The following RBFOX1 variants were observed in gnomAD, a reference collection of about 807,000 sequenced individuals.
The protein encoded by RBFOX1 is RNA binding fox-1 homolog 1.
Under a neutral mutation model 57.7 loss-of-function variants are expected in RBFOX1, and 8 were observed. The ratio of observed to expected loss-of-function variants is 0.14; its 90% CI spans 0.08 to 0.25. The LOEUF is 0.25. RBFOX1 is among the 10% of genes least tolerant of loss of function. The probability of loss-of-function intolerance (pLI) is 1.00; values close to 1 mark genes in which losing one functional copy is unlikely to be tolerated. For missense variants in RBFOX1, 611 were observed against 548.5 expected (o/e 1.11, Z -1.14); for synonymous variants, 326 against 222.4 (o/e 1.47, Z -4.15).
At chr16:7,110,176 C>T (rs1202726215) in intron 4 of RBFOX1, among the ~76,000 whole-genome samples, 1 of 129,704 alleles carries the variant, frequency 7.7e-6, no homozygotes, top group African/African-American at 2.9e-5. Flanking sequence ...ATAGCGAGAC[C>T]CCCCGTGTCT....
chr16:5,915,996 T>C (rs1597779026), intron 4 of RBFOX1, among the ~76,000 whole-genome samples: 1 of 152,316 alleles, frequency 6.6e-6, no homozygotes, highest in Admixed American at 6.5e-5. Context: ...GTAGAAGCAG[T>C]CTTATTTCTC....
At chr16:7,094,773 TGTGG>T (rs1555466462) in intron 4 of RBFOX1, among the ~76,000 whole-genome samples, 6 of 141,032 alleles carry the variant, frequency 4.3e-5, no homozygotes, top group East Asian at 4.0e-4. Flanking sequence ...TGTGTGTGTG[TGTGG>T]GTGTGTGTGT....
intron 4 of RBFOX1, among the ~76,000 whole-genome samples, chr16:7,132,628 A>G (rs1407984258): frequency 8.6e-5 from 13 of 152,046 alleles, no homozygotes; most frequent in Admixed American, 8.5e-4. Flanking sequence ...CCACACACAC[A>G]CAATGGAATA....
At chr16:5,382,445 T>C (rs1458044596) in intron 1 of RBFOX1, among the ~76,000 whole-genome samples, 3 of 152,218 alleles carry the variant, frequency 2.0e-5, no homozygotes, top group Admixed American at 6.5e-5. Context: ...TATGCTTTTA[T>C]TTGCCTTCTG....
In RBFOX1 at chr16:5,945,060, C is replaced by T. The variant is rs150276609; in HGVS notation, c.351+77725C>T. On this transcript the variant is annotated intron_variant, in intron 4 of 19. Transcript: ENST00000641259. ...TTGCTGGGCTTCTTCTGGAGGGAGACTGGAGCTCTATGTAGGTTTAAGGGC... is the reference window on the plus strand; with the variant it reads ...TTGCTGGGCTTCTTCTGGAGGGAGATTGGAGCTCTATGTAGGTTTAAGGGC... Among the ~76,000 whole-genome samples, 398 of 148,648 alleles carry T rather than the reference C, an allele frequency of 2.7e-3. 2 individuals carry two copies. Among genetic ancestry groups the T allele is most frequent in the African/African-American group, 9.6e-3 (387 of 40,382 alleles).
intron 4 of RBFOX1, among the ~76,000 whole-genome samples, chr16:7,181,877 C>G (rs1399601182): frequency 6.6e-6 from 1 of 152,084 alleles, no homozygotes; most frequent in African/African-American, 2.4e-5. Flanking sequence ...GGAGAGCTTT[C>G]TGAGTCACCA....
intron 4 of RBFOX1, among the ~76,000 whole-genome samples, chr16:5,886,956 T>C (rs2057914862): frequency 6.6e-6 from 1 of 152,216 alleles, no homozygotes; most frequent in South Asian, 2.1e-4. Flanking sequence ...GACCAGTTTC[T>C]CAGCCTCAGC....
chr16:6,341,687 A>G (rs1230598307), intron 2 of RBFOX1, among the ~76,000 whole-genome samples: 1 of 152,138 alleles, frequency 6.6e-6, no homozygotes. Flanking sequence ...CATTGTACAT[A>G]GGGTGGCTGG....
intron 12 of RBFOX1, among the ~76,000 whole-genome samples, chr16:7,663,868 C>T (rs2068460456): frequency 6.6e-6 from 1 of 152,180 alleles, no homozygotes; most frequent in African/African-American, 2.4e-5. Context: ...AAATACAAAT[C>T]AGTTTCTCAC....
rs74007310 is a variant in RBFOX1 at position 6,372,349 on chromosome 16, A to G, written c.-64+55292A>G. On this transcript the variant is annotated intron_variant, in intron 2 of 15. Transcript: ENST00000550418. ...TGGAGTGGAGACTTGGTGGAAGTAT[A>G]GTCGGATGGAAGGATGGTTGGTTAG... Among the ~76,000 whole-genome samples, 454 of 150,272 alleles carry G rather than the reference A, an allele frequency of 3.0e-3. 3 individuals are homozygous for G. The highest frequency in any genetic ancestry group is 0.011 in the African/African-American group (432 of 40,646).
At chr16:6,943,603 G>A (rs370447476) in intron 3 of RBFOX1, among the ~76,000 whole-genome samples, 6 of 152,018 alleles carry the variant, frequency 3.9e-5, no homozygotes, top group African/African-American at 1.5e-4. Context: ...AGCTACTTGG[G>A]AGGCTGAGGC....
intron 2 of RBFOX1, among the ~76,000 whole-genome samples, chr16:6,505,064 C>A (rs769974113): frequency 1.3e-5 from 2 of 152,084 alleles, no homozygotes. Flanking sequence ...CAGAGTGACA[C>A]TCCGTCTCAA....
chr16:7,619,861 G>A (rs1266747093), intron 10 of RBFOX1, among the ~76,000 whole-genome samples: 1 of 152,150 alleles, frequency 6.6e-6, no homozygotes, highest in East Asian at 1.9e-4. Context: ...GAGGAGCTGT[G>A]TCTCAATTAT....
At chr16:6,174,210 C>A (rs1005171868) in intron 1 of RBFOX1, among the ~76,000 whole-genome samples, 4 of 152,126 alleles carry the variant, frequency 2.6e-5, no homozygotes, top group Non-Finnish European at 5.9e-5. Context: ...TGGTTTCAGA[C>A]TGAGTGGTGG....
chr16:7,019,620 T>A (rs1394195642), intron 3 of RBFOX1, among the ~76,000 whole-genome samples: 1 of 143,798 alleles, frequency 7.0e-6, no homozygotes, highest in Non-Finnish European at 1.5e-5. Flanking sequence ...ACAGTTAGAA[T>A]GATGTGATCA....
intron 3 of RBFOX1, among the ~76,000 whole-genome samples, chr16:5,813,010 T>C (rs1158046807): frequency 7.1e-6 from 1 of 141,420 alleles, no homozygotes; most frequent in African/African-American, 2.8e-5. Context: ...TTTAACCACT[T>C]TTTTTTTTTT....
chr16:7,705,919 A>T (rs1191993055), intron 14 of RBFOX1, among the ~76,000 whole-genome samples: 2 of 152,182 alleles, frequency 1.3e-5, no homozygotes, highest in Non-Finnish European at 2.9e-5. Context: ...ATCTGACTGC[A>T]CTACTGCCCA....
chr16:6,530,118 TGTG>T (rs1348283223), intron 2 of RBFOX1, among the ~76,000 whole-genome samples: 1 of 152,162 alleles, frequency 6.6e-6, no homozygotes, highest in African/African-American at 2.4e-5. Flanking sequence ...GGAGACAGTG[TGTG>T]GTGTTTTTCT....
chr16:6,109,520 C>G (rs2096419779), intron 1 of RBFOX1, among the ~76,000 whole-genome samples: 2 of 152,146 alleles, frequency 1.3e-5, no homozygotes, highest in African/African-American at 2.4e-5. Flanking sequence ...TTGTAAAAAA[C>G]TCTTTTTCCA....
Sources: allele counts gnomAD v4.1 joint callset (sites outside exome capture counted in the v4.1 genomes callset), GRCh38; gene constraint gnomAD v4.1.1; transcripts MANE v1.5; gene names NCBI Gene and HGNC (gene_info 2026-07-23, HGNC 2026-07-21).